Variants in ATR observed in about 807,000 individuals in gnomAD.
ATR encodes serine/threonine-protein kinase ATR.
In ATR, 142 loss-of-function variants were observed where a neutral mutation model predicts 305.3. That is an observed-to-expected ratio of 0.47 (90% CI 0.41 to 0.53). ATR has a LOEUF of 0.53. Ranked by LOEUF, ATR falls within the 20% of genes least tolerant of loss-of-function variation. The pLI is 0.00. For missense variants in ATR, 2,135 were observed against 3,133.1 expected (o/e 0.68, Z 7.60); for synonymous variants, 1,050 against 1,068.1 (o/e 0.98, Z 0.33).
At chr3:142,458,433 C>T (rs752624654) in intron 44 of ATR, among the ~76,000 whole-genome samples, 3 of 152,108 alleles carry the variant, frequency 2.0e-5, no homozygotes, top group South Asian at 2.1e-4. Context: ...GAAAATAGTG[C>T]GCTAACCTAC....
intron 23 of ATR, among the ~76,000 whole-genome samples, chr3:142,520,337 G>A (rs114026295): frequency 1.6e-4 from 24 of 152,136 alleles, no homozygotes; most frequent in African/African-American, 2.4e-4. Context: ...AGGAGGAATC[G>A]CACATCTCTC....
intron 21 of ATR, among the ~76,000 whole-genome samples, chr3:142,531,785 T>G: frequency 6.6e-6 from 1 of 152,236 alleles, no homozygotes; most frequent in Non-Finnish European, 1.5e-5. Context: ...ATGGGATGGC[T>G]GGGTCAAATG....
Position 142,499,699 on chromosome 3 carries a change from A to G in ATR, c.5308T>C (p.Leu1770=), listed in dbSNP as rs769640471. The change falls in exon 31 of 47, where the codon TTA becomes CTA. Residue 1770 remains leucine, a synonymous_variant. Transcript: ENST00000350721. ...GCTGCTTCCACTCTGTACGTGTTTA[A>G]TTCATCTGTCCACTCGGACCTATTA... ...HANRSEWTDE[L]NTYRVEAAWK... 20 of 1,613,998 alleles carry G rather than the reference A, an allele frequency of 1.2e-5. No homozygotes were observed. In the South Asian group the frequency reaches 1.3e-4, roughly 11 times the overall value.
intron 8 of ATR, among the ~76,000 whole-genome samples, chr3:142,557,637 A>G (rs911799950): frequency 6.6e-6 from 1 of 152,212 alleles, no homozygotes; most frequent in Non-Finnish European, 1.5e-5. Context: ...GAATGAAATC[A>G]TAGAGGGACA....
At chr3:142,450,541 AG>A in intron 46 of ATR, 1 of 1,606,918 alleles carries the variant, frequency 6.2e-7, no homozygotes. Flanking sequence ...AATCAGATCA[AG>A]GGAAGTACCC....
At chr3:142,468,557 T>C (rs1463908574) in intron 38 of ATR, among the ~76,000 whole-genome samples, 1 of 152,190 alleles carries the variant, frequency 6.6e-6, no homozygotes, top group Non-Finnish European at 1.5e-5. Context: ...AAAACATTAA[T>C]GAATGGCCCA....
chr3:142,468,147 AAACTT>A (rs1454701877), intron 38 of ATR, 79 bp from the exon 39 acceptor site: 38 of 1,524,338 alleles, frequency 2.5e-5, no homozygotes, highest in African/African-American at 1.5e-4. Context: ...GCTTGACAAA[AAACTT>A]AAAAAGTATT....
intron 36 of ATR, among the ~76,000 whole-genome samples, chr3:142,484,533 G>A (rs893173971): frequency 3.3e-5 from 5 of 152,116 alleles, no homozygotes; most frequent in Admixed American, 6.5e-5. Context: ...TCATCAGACT[G>A]TTTATTTGCA....
intron 16 of ATR, among the ~76,000 whole-genome samples, chr3:142,544,511 C>T (rs900706049): frequency 8.0e-6 from 1 of 124,880 alleles, no homozygotes; most frequent in East Asian, 2.5e-4. Context: ...TAGTATATAG[C>T]TAAGTATTAA....
At chr3:142,542,794 C>G in intron 16 of ATR, 37 bp from the exon 17 acceptor site, 1 of 1,478,548 alleles carries the variant, frequency 6.8e-7, no homozygotes. Flanking sequence ...AAGCTTTATA[C>G]AGATTGAATT....
chr3:142,502,637 A>C lies in ATR; in HGVS notation c.5288+725T>G, dbSNP rs561667046. Among the ~76,000 whole-genome samples the C allele has an allele frequency of 1.1e-3, 164 of 152,286 alleles. 1 individual carries two copies. Among genetic ancestry groups the C allele is most frequent in the South Asian group, 1.7e-3 (8 of 4,824 alleles). ...TAAAATAAAAGTTGAAAAAAAAGAG[A>C]AAGAAAAACTTGGCTTCAGAGTAGT... On this transcript the variant is annotated intron_variant, in intron 30 of 46. Coordinates refer to ENST00000350721, the MANE Select transcript of ATR (RefSeq NM_001184.4).
intron 36 of ATR, among the ~76,000 whole-genome samples, chr3:142,475,070 A>C (rs954767269): frequency 6.6e-6 from 1 of 152,144 alleles, no homozygotes; most frequent in Non-Finnish European, 1.5e-5. Context: ...ATTATGCTTT[A>C]CAACTTATAT....
chr3:142,489,373 A>G (rs565652716), intron 35 of ATR, among the ~76,000 whole-genome samples: 1 of 152,274 alleles, frequency 6.6e-6, no homozygotes, highest in East Asian at 1.9e-4. Context: ...CAACTTTCTT[A>G]AGACATATAC....
chr3:142,472,680 T>C (rs931919927), intron 36 of ATR, among the ~76,000 whole-genome samples: 1 of 152,100 alleles, frequency 6.6e-6, no homozygotes, highest in East Asian at 1.9e-4. Flanking sequence ...CTCTGTTGCC[T>C]GGGCTGGAGT....
intron 27 of ATR, among the ~76,000 whole-genome samples, chr3:142,508,856 G>A (rs192551224): frequency 1.9e-3 from 281 of 150,746 alleles, no homozygotes; most frequent in African/African-American, 6.2e-3. Context: ...CCTGGGAGGC[G>A]GAGCTTGCAG....
At chr3:142,522,974 G>A in intron 22 of ATR, 133 bp from the exon 23 acceptor site, 1 of 732,562 alleles carries the variant, frequency 1.4e-6, no homozygotes. Context: ...AAGACAGTGA[G>A]GTTCAAACTA....
In ATR at chr3:142,553,983, G is replaced by T; in HGVS notation, c.2374C>A (p.His792Asn). The change falls in exon 11 of 47, where the codon CAT becomes AAT. Residue 792 changes from histidine (H) to asparagine (N), a missense_variant. By Grantham distance (68) the His-to-Asn change is moderately conservative (BLOSUM62 1). Coordinates refer to ENST00000350721, the MANE Select transcript of ATR (RefSeq NM_001184.4). ...GTTTCATCTTCTCTAAAATCAAGAT[G>T]CTTACAAAGATGATGTAGATTATCT... Reference protein sequence around the residue: ...FIDNLHHLCKHLDFREDETDV... With the variant: ...FIDNLHHLCKNLDFREDETDV... 6.2e-7 allele frequency: 1 copy of T among 1,609,516 alleles called. No homozygotes were observed. The highest frequency in any genetic ancestry group is 8.5e-7 in the Non-Finnish European group (1 of 1,177,978).
At chr3:142,504,023 C>T (rs1037967000) in intron 29 of ATR, among the ~76,000 whole-genome samples, 7 of 152,016 alleles carry the variant, frequency 4.6e-5, no homozygotes, top group African/African-American at 1.7e-4. Context: ...TATGTACTAT[C>T]CTTTAAAATG....
intron 10 of ATR, among the ~76,000 whole-genome samples, chr3:142,555,285 TCTTAGCTTTATTGTTAA>T (rs1319961263): frequency 1.3e-5 from 1 of 77,094 alleles, no homozygotes; most frequent in Non-Finnish European, 3.5e-5. Context: ...CTCAAGGGGA[TCTTAGCTTTATTGTTAA>T]CCTTACATTA....
Sources: allele counts gnomAD v4.1 joint callset (sites outside exome capture counted in the v4.1 genomes callset), GRCh38; gene constraint gnomAD v4.1.1; transcripts MANE v1.5; gene names NCBI Gene and HGNC (gene_info 2026-07-23, HGNC 2026-07-21).